CDK14: variants seen among roughly 807,000 people sequenced by gnomAD.
CDK14 encodes cyclin-dependent kinase 14.
Under a neutral mutation model 60.7 loss-of-function variants are expected in CDK14, and 34 were observed. The observed-to-expected ratio is 0.56, with a 90% CI of 0.43 to 0.75. CDK14 has a LOEUF of 0.75. CDK14 is among the 30% of genes least tolerant of loss of function. CDK14 has a pLI of 0.00. For synonymous variants in CDK14, 197 were observed against 203.7 expected (o/e 0.97, Z 0.28); for missense variants, 482 against 564.1 (o/e 0.85, Z 1.47).
At chr7:90,989,844 A>AT (rs1795481213) in intron 10 of CDK14, among the ~76,000 whole-genome samples, 1 of 152,108 alleles carries the variant, frequency 6.6e-6, no homozygotes, top group South Asian at 2.1e-4. Context: ...ACCATTTTTA[A>AT]TTTTTTTAAA....
At chr7:90,631,289 T>C (rs1283166606) in intron 2 of CDK14, among the ~76,000 whole-genome samples, 3 of 152,338 alleles carry the variant, frequency 2.0e-5, no homozygotes, top group African/African-American at 7.2e-5. Flanking sequence ...TGGTGACTCT[T>C]AGCCAGGGCT....
intron 2 of CDK14, among the ~76,000 whole-genome samples, chr7:90,724,490 A>AT (rs202040249): frequency 0.011 from 1,578 of 143,510 alleles, 24 homozygotes; most frequent in African/African-American, 0.035. Context: ...TTATTTATTT[A>AT]TTTTTTTTTT....
chr7:90,702,268 T>C (rs1314406977), intron 2 of CDK14, among the ~76,000 whole-genome samples: 2 of 152,170 alleles, frequency 1.3e-5, no homozygotes, highest in Non-Finnish European at 2.9e-5. Context: ...TCGACTAATA[T>C]TTGGGTGCTG....
chr7:90,877,847 A>G (rs576982559), intron 6 of CDK14, among the ~76,000 whole-genome samples: 9 of 152,302 alleles, frequency 5.9e-5, no homozygotes, highest in African/African-American at 2.2e-4. Context: ...CTAACTAAAA[A>G]TACATTGAAC....
At chr7:91,044,290 A>G (rs2116016048) in intron 10 of CDK14, among the ~76,000 whole-genome samples, 1 of 152,306 alleles carries the variant, frequency 6.6e-6, no homozygotes, top group Non-Finnish European at 1.5e-5. Context: ...CTGATTGGCA[A>G]TTGCTTGGAA....
chr7:91,194,592 A>G (rs1802475269), intron 14 of CDK14, among the ~76,000 whole-genome samples: 1 of 152,148 alleles, frequency 6.6e-6, no homozygotes, highest in African/African-American at 2.4e-5. Context: ...AGACCTTTTG[A>G]AAAGGACTTA....
intron 5 of CDK14, among the ~76,000 whole-genome samples, chr7:90,820,891 G>C (rs1283759688): frequency 6.6e-6 from 1 of 152,102 alleles, no homozygotes; most frequent in African/African-American, 2.4e-5. Context: ...GGTTTACATT[G>C]TTTTCATTAA....
At chr7:90,622,334 C>T (rs1205280657) in intron 2 of CDK14, among the ~76,000 whole-genome samples, 1 of 152,154 alleles carries the variant, frequency 6.6e-6, no homozygotes, top group East Asian at 1.9e-4. Flanking sequence ...AAATAAATGA[C>T]TGTCTGTGTG....
chr7:90,740,115 G>A (rs1803279802), intron 3 of CDK14, among the ~76,000 whole-genome samples: 1 of 137,698 alleles, frequency 7.3e-6, no homozygotes, highest in African/African-American at 2.7e-5. Context: ...TAAATTACGT[G>A]GAACCAAGTT....
chr7:90,755,911 AT>A (rs1323393004), intron 4 of CDK14, among the ~76,000 whole-genome samples: 1 of 152,212 alleles, frequency 6.6e-6, no homozygotes, highest in East Asian at 1.9e-4. Context: ...TTTGTGTACA[AT>A]ATAGTACATC....
At chr7:90,899,238 TTATTA>T in intron 6 of CDK14, 48 bp from the exon 7 acceptor site, 3 of 1,363,852 alleles carry the variant, frequency 2.2e-6, no homozygotes, top group Non-Finnish European at 2.0e-6. Flanking sequence ...AAATATTGAT[TTATTA>T]TGTTATAGCC....
At chr7:90,735,963 G>T (rs1002263777) in intron 3 of CDK14, among the ~76,000 whole-genome samples, 2 of 152,178 alleles carry the variant, frequency 1.3e-5, no homozygotes, top group African/African-American at 2.4e-5. Context: ...CCTAGGCACC[G>T]GCGGGAATCT....
intron 10 of CDK14, among the ~76,000 whole-genome samples, chr7:91,009,376 G>A (rs1042766698): frequency 1.3e-5 from 2 of 152,052 alleles, no homozygotes; most frequent in Non-Finnish European, 2.9e-5. Context: ...TTTGTCTTCC[G>A]TTGGATTCCC....
chr7:90,790,859 AGATGTGGAATAAAAT>A (rs1221390089), intron 5 of CDK14, among the ~76,000 whole-genome samples: 2 of 152,236 alleles, frequency 1.3e-5, no homozygotes, highest in Non-Finnish European at 2.9e-5. Context: ...CTGTGTGCTC[AGATGTGGAATAAAAT>A]GCTGTGCATT....
chr7:90,964,854 A>C (rs1259120908), intron 9 of CDK14, among the ~76,000 whole-genome samples: 2 of 152,160 alleles, frequency 1.3e-5, no homozygotes, highest in Non-Finnish European at 2.9e-5. Flanking sequence ...AAAGTCAGGT[A>C]GTATTTATGA....
chr7:90,771,862 T>C (rs1205042327), intron 4 of CDK14, among the ~76,000 whole-genome samples: 1 of 152,238 alleles, frequency 6.6e-6, no homozygotes. Flanking sequence ...CGAGTTTCAC[T>C]GGGAACCCGT....
At chr7:91,113,301 C>T (rs1389057158) in intron 13 of CDK14, among the ~76,000 whole-genome samples, 1 of 152,194 alleles carries the variant, frequency 6.6e-6, no homozygotes, top group African/African-American at 2.4e-5. Context: ...ACTGCAAATG[C>T]TCTTGGTATT....
intron 2 of CDK14, among the ~76,000 whole-genome samples, chr7:90,723,958 G>A (rs1365790816): frequency 6.6e-6 from 1 of 152,068 alleles, no homozygotes; most frequent in African/African-American, 2.4e-5. Context: ...AAATGAATTG[G>A]GAAGTATATC....
intron 10 of CDK14, among the ~76,000 whole-genome samples, chr7:90,991,539 G>T (rs1397143812): frequency 6.6e-6 from 1 of 152,140 alleles, no homozygotes; most frequent in Non-Finnish European, 1.5e-5. Context: ...TAATACTTCA[G>T]CTCAGGTCTG....
Sources: gnomAD v4.1 joint callset for allele counts (sites outside exome capture counted in the v4.1 genomes callset) on GRCh38, gnomAD v4.1.1 for gene constraint, MANE v1.5 for transcripts, NCBI Gene and HGNC (gene_info 2026-07-23, HGNC 2026-07-21) for gene names.